Variants in LRIT2 observed in about 807,000 individuals in gnomAD.
LRIT2 encodes the protein leucine-rich repeat, immunoglobulin-like domain and transmembrane domain-containing protein 2.
LRIT2 carries 23 observed loss-of-function variants against 22.4 expected under a neutral mutation model. The ratio of observed to expected loss-of-function variants is 1.03; its 90% CI spans 0.74 to 1.45. The LOEUF (loss-of-function observed/expected upper bound fraction) is 1.45, where lower values mean the gene tolerates loss of function less well. Among genes scored for constraint, LRIT2 ranks in the 40% most tolerant of loss-of-function variants. The probability of loss-of-function intolerance (pLI) is 0.00; values close to 1 mark genes in which losing one functional copy is unlikely to be tolerated. For missense variants in LRIT2, 784 were observed against 665.6 expected, an observed-to-expected ratio of 1.18 and a Z score of -1.96; for synonymous variants, 291 against 267.1, an observed-to-expected ratio of 1.09 and a Z score of -0.87.
At position 84,222,049 on chromosome 10, in the gene LRIT2, G is replaced by A; in HGVS notation, c.1524C>T (p.Ser508=). ...RGCLHRRKAP[S]CTPAAPQSKD... Reference sequence around the variant, plus strand: ...TGGACTGCGGGGCTGCAGGGGTGCAGCTGGGGGCTTTCCTGCGATGAAGAC... The same window carrying A: ...TGGACTGCGGGGCTGCAGGGGTGCAACTGGGGGCTTTCCTGCGATGAAGAC... The change falls in exon 3 of 3, where the codon AGC becomes AGT. Residue 508 remains serine, a synonymous_variant. Coordinates refer to ENST00000372113, the MANE Select transcript of LRIT2 (RefSeq NM_001017924.5). 1.2e-6 allele frequency: 2 copies of A among 1,610,954 alleles called. No individual in the cohort carries two copies. The highest frequency in any genetic ancestry group is 1.1e-5 in the South Asian group (1 of 90,628).
Position 84,221,301 on chromosome 10 carries a change from T to A in LRIT2, c.*619A>T, listed in dbSNP as rs1842502353. 1 of 152,268 alleles carries A rather than the reference T, an allele frequency of 6.6e-6. No individual in the cohort carries two copies. Among genetic ancestry groups the A allele is most frequent in the African/African-American group, 2.4e-5 (1 of 41,468 alleles). The allele number at this position is 152,268 out of a possible 1,614,324, so 9.4% of individuals were successfully genotyped here. On this transcript the variant is annotated 3_prime_UTR_variant, in exon 3 of 3. Transcript: ENST00000372113. ...CATTACCCAACAGCTCTCATCACCCTGATGGGCAGCTCTTTGGAACATCAC... is the reference window on the plus strand; with the variant it reads ...CATTACCCAACAGCTCTCATCACCCAGATGGGCAGCTCTTTGGAACATCAC...
chr10:84,222,519 C>T lies in LRIT2; in HGVS notation c.1054G>A (p.Ala352Thr). Reference protein sequence around the residue: ...LHVQPAQALHAPDSLSIPSEG... With the variant: ...LHVQPAQALHTPDSLSIPSEG... ...GAGGGGATGGAAAGAGAATCAGGTG[C>T]ATGTAGGGCCTGGGCAGGCTGGACA... is the stretch of plus-strand genomic sequence containing the variant. The change falls in exon 3 of 3, where the codon GCA becomes ACA. Residue 352 changes from alanine (A) to threonine (T), a missense_variant. Coordinates refer to ENST00000372113, the MANE Select transcript of LRIT2 (RefSeq NM_001017924.5). 1.2e-6 allele frequency: 2 copies of T among 1,614,000 alleles called. No homozygotes were observed. Among genetic ancestry groups the T allele is most frequent in the Non-Finnish European group, 1.7e-6 (2 of 1,180,028 alleles).
At chr10:84,225,553 G>C (rs746561178), upstream of LRIT2, 4 of 1,606,072 alleles carry the variant, frequency 2.5e-6, no homozygotes, top group Non-Finnish European at 3.4e-6. Flanking sequence ...TGTGAGTTTT[G>C]AATAAGTATC....
chr10:84,223,732 T>C (rs541835482), intron 2 of LRIT2, among the ~76,000 whole-genome samples: 3 of 152,262 alleles, frequency 2.0e-5, no homozygotes, highest in African/African-American at 7.2e-5. Flanking sequence ...TAATCCCAGC[T>C]GAGGTATGAA....
In LRIT2 at chr10:84,222,085, G is replaced by GACCC; in HGVS notation, c.1484_1487dup (p.Leu497GlyfsTer27). ...TCCTGCGATGAAGACAGCCGCGCAG[G>GACCC]ACCCACTTGCTGCAGCTGCAGGGGC... On this transcript the variant is annotated frameshift_variant, in exon 3 of 3. Coordinates refer to ENST00000372113, the MANE Select transcript of LRIT2 (RefSeq NM_001017924.5). LOFTEE classifies it low-confidence loss of function (END_TRUNC). 1 of 1,609,970 alleles carries GACCC rather than the reference G, an allele frequency of 6.2e-7. No homozygotes were observed. Among genetic ancestry groups the GACCC allele is most frequent in the Non-Finnish European group, 8.5e-7 (1 of 1,177,452 alleles).
intron 2 of LRIT2, chr10:84,222,885 C>T (rs932099704): frequency 8.4e-6 from 6 of 712,292 alleles, no homozygotes; most frequent in Admixed American, 2.0e-5. Flanking sequence ...GATCTTTACA[C>T]ATAGGATATT....
At position 84,221,959 on chromosome 10, in the gene LRIT2, C is replaced by A. The variant is rs1467790902; in HGVS notation, c.1614G>T (p.Glu538Asp). The change falls in exon 3 of 3, where the codon GAG becomes GAT. Residue 538 changes from glutamate (E) to aspartate (D), a missense_variant. Transcript: ENST00000372113. ...CCGTTCCTCCTTTCTCCTTGTCCCC[C>A]TCAGTGTCTATGTGCCCTTCACCGT... ...CDDGEGHIDT[E>D]GDKEKGGTED... 1 of 1,547,520 alleles carries A rather than the reference C, an allele frequency of 6.5e-7. No homozygotes were observed. Among genetic ancestry groups the A allele is most frequent in the African/African-American group, 1.4e-5 (1 of 73,072 alleles).
At chr10:84,222,827 C>T (rs1333209508) in intron 2 of LRIT2, 147 bp from the exon 3 acceptor site, 3 of 888,500 alleles carry the variant, frequency 3.4e-6, no homozygotes, top group South Asian at 2.8e-5. Flanking sequence ...GAACCTCGTA[C>T]CTGGTGTCAG....
chr10:84,222,447 G>T lies in LRIT2; in HGVS notation c.1126C>A (p.His376Asn). The T allele has an allele frequency of 2.5e-6, 4 of 1,614,054 alleles. No individual in the cohort carries two copies. Among genetic ancestry groups the T allele is most frequent in the Non-Finnish European group, 3.4e-6 (4 of 1,180,032 alleles). Residue 376 changes from histidine to asparagine, a missense_variant, in exon 3 of 3, where the codon CAT (histidine) becomes AAT (asparagine). His to Asn is a moderately conservative substitution (Grantham distance 68). Coordinates refer to ENST00000372113, the MANE Select transcript of LRIT2 (RefSeq NM_001017924.5). ...GCAAGCCACTCCAGCAAAATCCCAT[G>T]CACTGTCTGCTTGACAACCCGCAGG... ...IDLRVVKQTV[H>N]GILLEWLAVA...
chr10:84,224,022 G>T lies in LRIT2; in HGVS notation c.892+311C>A, dbSNP rs148712159. ...GTTTTGCATCTAGAAGATTCCCAAAGACTATATCTGCTCATATAAAATTTT... is the reference window on the plus strand; with the variant it reads ...GTTTTGCATCTAGAAGATTCCCAAATACTATATCTGCTCATATAAAATTTT... On this transcript the variant is annotated intron_variant, in intron 2 of 2. Coordinates refer to ENST00000372113, the MANE Select transcript of LRIT2 (RefSeq NM_001017924.5). 3.3e-3 allele frequency among the ~76,000 whole-genome samples: 503 copies of T among 152,276 alleles called. 3 individuals are homozygous for T. The highest frequency in any genetic ancestry group is 0.012 in the African/African-American group (478 of 41,544).
At chr10:84,224,211 C>G (rs1168037352) in intron 2 of LRIT2, 122 bp downstream of exon 2, 1 of 934,176 alleles carries the variant, frequency 1.1e-6, no homozygotes, top group Non-Finnish European at 1.6e-6. Context: ...TCAGGGCTAT[C>G]CCAATCTTAC....
At position 84,222,676 on chromosome 10, in the gene LRIT2, C is replaced by T. The variant is rs780168479; in HGVS notation, c.897G>A (p.Leu299=). Residue 299 remains leucine (L), a synonymous_variant, in exon 3 of 3, where the codon TTG becomes TTA. Transcript: ENST00000372113. ...PLSMWREFDV[L]TSSTGEDTAL... ...CAGTGTCTTCTCCAGTAGAAGATGT[C>T]AACACTGGGTGGAAAGAAAAACAAA... 6.2e-7 allele frequency: 1 copy of T among 1,613,248 alleles called. No homozygotes were observed.
rs201213324 is a variant in LRIT2, at chr10:84,224,606, G to A, written c.619C>T (p.Arg207Cys). 130 of 1,613,734 alleles carry A rather than the reference G, an allele frequency of 8.1e-5. No homozygotes were observed. The Admixed American group carries it at 1.3e-3, about 16-fold the overall frequency. The change falls in exon 2 of 3, where the codon CGC (arginine) becomes TGC (cysteine). Residue 207 changes from arginine (R) to cysteine (C), a missense_variant. By Grantham distance (180) the Arg-to-Cys change is radical. Coordinates refer to ENST00000372113, the MANE Select transcript of LRIT2 (RefSeq NM_001017924.5). ...ACAAACTGGACAAGCCCCCTTAGGCGACAGTCACATACCCAGGGGTTGTCA... is the reference window on the plus strand; with the variant it reads ...ACAAACTGGACAAGCCCCCTTAGGCAACAGTCACATACCCAGGGGTTGTCA... ...LHDNPWVCDCRLRGLVQFVKS... is the reference protein window; with the variant it reads ...LHDNPWVCDCCLRGLVQFVKS...
intron 2 of LRIT2, among the ~76,000 whole-genome samples, chr10:84,223,496 G>T (rs931952096): frequency 2.6e-5 from 4 of 151,452 alleles, no homozygotes; most frequent in African/African-American, 9.7e-5. Flanking sequence ...AGTTAATTGG[G>T]TATTTTTAAA....
chr10:84,225,536 A>T lies in LRIT2; in HGVS notation c.-16T>A. The T allele has an allele frequency of 1.2e-6, 2 of 1,611,830 alleles. No homozygotes were observed. The highest frequency in any genetic ancestry group is 1.7e-6 in the Non-Finnish European group (2 of 1,179,190). On this transcript the variant is annotated 5_prime_UTR_variant, in exon 1 of 3. Transcript: ENST00000372113. Reference sequence around the variant, plus strand: ...CTGAAGCCATATTTCTCTGTAAGAAAATACGTTGTGAGTTTTGAATAAGTA... The same window carrying T: ...CTGAAGCCATATTTCTCTGTAAGAATATACGTTGTGAGTTTTGAATAAGTA...
At chr10:84,223,259 C>G (rs1050282575) in intron 2 of LRIT2, among the ~76,000 whole-genome samples, 1 of 152,142 alleles carries the variant, frequency 6.6e-6, no homozygotes, top group Non-Finnish European at 1.5e-5. Flanking sequence ...GATAAGCAAT[C>G]ACCTACCTCA....
chr10:84,225,530 T>C lies in LRIT2; in HGVS notation c.-10A>G, dbSNP rs2132856007. On this transcript the variant is annotated 5_prime_UTR_variant, in exon 1 of 3. Transcript: ENST00000372113. ...GAAAAACTGAAGCCATATTTCTCTG[T>C]AAGAAAATACGTTGTGAGTTTTGAA... The C allele has an allele frequency of 1.2e-6, 2 of 1,612,528 alleles. No homozygotes were observed. Among genetic ancestry groups the C allele is most frequent in the Non-Finnish European group, 1.7e-6 (2 of 1,179,516 alleles).
At chr10:84,224,274 G>A in intron 2 of LRIT2, 59 bp downstream of exon 2, 2 of 1,523,468 alleles carry the variant, frequency 1.3e-6, no homozygotes, top group South Asian at 1.3e-5. Flanking sequence ...AATGAGGATG[G>A]GTTTGCTACA....
Position 84,222,060 on chromosome 10 carries a change from T to C in LRIT2, c.1513A>G (p.Lys505Glu). 1 of 1,611,076 alleles carries C rather than the reference T, an allele frequency of 6.2e-7. No individual in the cohort carries two copies. Among genetic ancestry groups the C allele is most frequent in the South Asian group, 1.1e-5 (1 of 90,688 alleles). ...WVLRGCLHRR[K>E]APSCTPAAPQ... ...GCTGCAGGGGTGCAGCTGGGGGCTT[T>C]CCTGCGATGAAGACAGCCGCGCAGG... The change falls in exon 3 of 3, where the codon AAA (lysine) becomes GAA (glutamate). Residue 505 changes from lysine (K) to glutamate (E), a missense_variant. Transcript: ENST00000372113.
Sources: gnomAD v4.1 joint callset for allele counts (sites outside exome capture counted in the v4.1 genomes callset) on GRCh38, gnomAD v4.1.1 for gene constraint, MANE v1.5 for transcripts, NCBI Gene and HGNC (gene_info 2026-07-23, HGNC 2026-07-21) for gene names.